Variants in SDK1 observed in about 807,000 individuals in gnomAD.
The protein encoded by SDK1 is protein sidekick-1.
Under a neutral mutation model 245.5 loss-of-function variants are expected in SDK1, and 157 were observed. That is an observed-to-expected ratio of 0.64 (90% CI 0.56 to 0.73). SDK1 has a LOEUF of 0.73. Ranked by LOEUF, SDK1 falls within the 30% of genes least tolerant of loss-of-function variation. The pLI is 0.00. For synonymous variants in SDK1, 1,647 were observed against 1,278.5 expected (o/e 1.29, Z -6.15); for missense variants, 3,583 against 3,002.3 (o/e 1.19, Z -4.52).
chr7:3,617,026 A>G (rs1451065818), intron 1 of SDK1, among the ~76,000 whole-genome samples: 4 of 152,206 alleles, frequency 2.6e-5, no homozygotes, highest in African/African-American at 9.6e-5. Context: ...TTCACTGCCT[A>G]CTGACTGGGT....
rs190362720 is a variant in SDK1, at chr7:4,126,858, T to A, written c.3824-523T>A. 5.3e-5 allele frequency among the ~76,000 whole-genome samples: 8 copies of A among 152,354 alleles called. No homozygotes were observed. The East Asian group carries it at 1.5e-3, about 29-fold the overall frequency. ...TAGAAAAGGGGTAACGATACCTACT[T>A]CATTGGGATCATTGTGGGATTAGAT... is the stretch of plus-strand genomic sequence containing the variant. On this transcript the variant is annotated intron_variant, in intron 25 of 44. Transcript: ENST00000404826.
At chr7:4,069,933 C>T (rs1023684390) in intron 20 of SDK1, among the ~76,000 whole-genome samples, 10 of 152,186 alleles carry the variant, frequency 6.6e-5, no homozygotes, top group Admixed American at 4.6e-4. Context: ...TCCTCTGCAG[C>T]GTTGATGTGG....
chr7:4,151,624 C>T (rs1780388231), intron 30 of SDK1, among the ~76,000 whole-genome samples: 1 of 152,124 alleles, frequency 6.6e-6, no homozygotes, highest in Non-Finnish European at 1.5e-5. Flanking sequence ...ACTTCACCAC[C>T]ACCACCGCCA....
rs1308689693 is a variant in SDK1, at chr7:3,945,977, T to C, written c.848-4946T>C. Among the ~76,000 whole-genome samples the C allele has an allele frequency of 1.1e-4, 5 of 43,920 alleles. No homozygotes were observed. In the South Asian group the frequency reaches 3.3e-3, roughly 29 times the overall value. 28.8% of individuals were successfully genotyped at this position (43,920 alleles called of 152,430 possible). On this transcript the variant is annotated intron_variant, in intron 5 of 44. Transcript: ENST00000404826. ...CTTTCCAAAATTAAAAAAAGGAAAATATTGGAAAAAAGTAAGAAGCATGTT... is the reference window on the plus strand; with the variant it reads ...CTTTCCAAAATTAAAAAAAGGAAAACATTGGAAAAAAGTAAGAAGCATGTT...
chr7:4,168,870 G>C (rs1781660577), intron 32 of SDK1, among the ~76,000 whole-genome samples: 1 of 152,146 alleles, frequency 6.6e-6, no homozygotes, highest in African/African-American at 2.4e-5. Context: ...AGAAATGGAA[G>C]CTGAGGTCTC....
At chr7:3,421,228 C>T (rs1012269954) in intron 1 of SDK1, among the ~76,000 whole-genome samples, 13 of 151,732 alleles carry the variant, frequency 8.6e-5, no homozygotes, top group African/African-American at 2.4e-4. Flanking sequence ...TGTGCCACCA[C>T]GCCCAGCTAA....
chr7:4,210,403 C>G (rs1417486486), intron 38 of SDK1, among the ~76,000 whole-genome samples: 2 of 152,178 alleles, frequency 1.3e-5, no homozygotes, highest in African/African-American at 2.4e-5. Flanking sequence ...GTTCTGAGAC[C>G]AGAACGGCAC....
intron 1 of SDK1, among the ~76,000 whole-genome samples, chr7:3,597,709 G>T (rs1781111081): frequency 6.6e-6 from 1 of 152,178 alleles, no homozygotes; most frequent in Admixed American, 6.5e-5. Flanking sequence ...GGGGCTCAGT[G>T]CAGTGCAATG....
chr7:3,366,916 AT>A (rs1781108119), intron 1 of SDK1, among the ~76,000 whole-genome samples: 1 of 151,726 alleles, frequency 6.6e-6, no homozygotes, highest in South Asian at 2.1e-4. Flanking sequence ...TAATTTTTGT[AT>A]TTTTAGTAGA....
At chr7:3,343,673 T>C (rs1174271714) in intron 1 of SDK1, among the ~76,000 whole-genome samples, 1 of 152,166 alleles carries the variant, frequency 6.6e-6, no homozygotes, top group Non-Finnish European at 1.5e-5. Context: ...GGGATCTCTG[T>C]AGTATTTCTT....
intron 13 of SDK1, among the ~76,000 whole-genome samples, chr7:3,981,769 A>G (rs1319711641): frequency 6.6e-6 from 1 of 152,342 alleles, no homozygotes; most frequent in East Asian, 1.9e-4. Context: ...AGGAAGCTGC[A>G]GAAGAAAAAT....
intron 1 of SDK1, among the ~76,000 whole-genome samples, chr7:3,374,395 T>C (rs928314691): frequency 2.0e-5 from 3 of 152,184 alleles, no homozygotes; most frequent in Admixed American, 6.5e-5. Context: ...ATTGATTTTC[T>C]TCACATAAAT....
intron 17 of SDK1, among the ~76,000 whole-genome samples, chr7:4,023,608 A>C (rs1317990708): frequency 2.0e-5 from 3 of 152,192 alleles, no homozygotes; most frequent in African/African-American, 7.2e-5. Flanking sequence ...CGCGGAGTGT[A>C]AGTTGTGTAT....
intron 1 of SDK1, among the ~76,000 whole-genome samples, chr7:3,486,281 A>T (rs150396502): frequency 6.7e-4 from 101 of 151,836 alleles, no homozygotes; most frequent in Non-Finnish European, 1.1e-3. Context: ...TTCCATTTCT[A>T]TTGTACTTTA....
At chr7:3,635,611 G>A (rs944351747) in intron 2 of SDK1, among the ~76,000 whole-genome samples, 1 of 152,240 alleles carries the variant, frequency 6.6e-6, no homozygotes, top group Non-Finnish European at 1.5e-5. Context: ...TTGTGGACAA[G>A]TATTACTGGA....
chr7:3,847,186 C>T (rs558581318), intron 5 of SDK1, among the ~76,000 whole-genome samples: 2 of 152,196 alleles, frequency 1.3e-5, no homozygotes, highest in East Asian at 3.9e-4. Flanking sequence ...TCAACCTTTA[C>T]TCCTGGAACT....
chr7:3,946,501 G>A (rs1012279745), intron 5 of SDK1, among the ~76,000 whole-genome samples: 1 of 151,654 alleles, frequency 6.6e-6, no homozygotes, highest in Admixed American at 6.6e-5. Context: ...TTCTTGGATA[G>A]AGACAGGGTT....
chr7:3,631,948 C>G (rs1782306668), intron 2 of SDK1, among the ~76,000 whole-genome samples: 1 of 151,690 alleles, frequency 6.6e-6, no homozygotes, highest in Non-Finnish European at 1.5e-5. Flanking sequence ...GGTCTTTTTT[C>G]CATTATGCGT....
chr7:3,377,313 C>T (rs1411985296), intron 1 of SDK1, among the ~76,000 whole-genome samples: 3 of 152,082 alleles, frequency 2.0e-5, no homozygotes, highest in South Asian at 4.1e-4. Context: ...CCATGTTTAA[C>T]GATAAAGGAC....
Sources: allele counts gnomAD v4.1 joint callset (sites outside exome capture counted in the v4.1 genomes callset), GRCh38; gene constraint gnomAD v4.1.1; transcripts MANE v1.5; gene names NCBI Gene and HGNC (gene_info 2026-07-23, HGNC 2026-07-21).